Variants in LIPG observed in about 807,000 individuals in gnomAD.
LIPG encodes the protein endothelial lipase.
LIPG carries 34 observed loss-of-function variants against 51.8 expected under a neutral mutation model. The observed-to-expected ratio is 0.66, with a 90% CI of 0.50 to 0.87. The LOEUF is 0.87. Ranked by LOEUF, LIPG falls within the 40% of genes least tolerant of loss-of-function variation. The pLI is 0.00. For synonymous variants in LIPG, 246 were observed against 246.1 expected, an observed-to-expected ratio of 1.00 and a Z score of 0.00; for missense variants, 580 against 652.7, an observed-to-expected ratio of 0.89 and a Z score of 1.21.
chr18:49,582,318 G>A (rs2084828629), intron 6 of LIPG, 44 bp from the exon 7 acceptor site: 2 of 1,613,458 alleles, frequency 1.2e-6, no homozygotes, highest in African/African-American at 1.3e-5. Flanking sequence ...CTCCTGTGAT[G>A]ACAAGCAAGG....
At position 49,590,547 on chromosome 18, in the gene LIPG, C is replaced by T. The variant is rs1476492317; in HGVS notation, c.*25C>T. On this transcript the variant is annotated 3_prime_UTR_variant, in exon 10 of 10. Coordinates refer to ENST00000261292, the MANE Select transcript of LIPG (RefSeq NM_006033.4). The stretch of plus-strand genomic sequence containing the variant: ...AGGGTGCCCGGGCAAGTCTTGCCAG[C>T]AAGGCAGCAAGACTTCCTGCTATCC... The T allele has an allele frequency of 6.3e-7, 1 of 1,588,364 alleles. No individual in the cohort carries two copies. Among genetic ancestry groups the T allele is most frequent in the South Asian group, 1.1e-5 (1 of 87,558 alleles).
upstream of LIPG, chr18:49,561,565 G>A: frequency 4.0e-6 from 3 of 746,826 alleles, no homozygotes; most frequent in Non-Finnish European, 5.5e-6. Flanking sequence ...TCGCTAGGCG[G>A]GAAGGGAGGG....
chr18:49,580,044 C>T (rs1306562204), intron 5 of LIPG, among the ~76,000 whole-genome samples: 1 of 152,106 alleles, frequency 6.6e-6, no homozygotes, highest in Non-Finnish European at 1.5e-5. Flanking sequence ...AAACTCCTGT[C>T]CTCAGGTGAT....
intron 6 of LIPG, 94 bp from the exon 7 acceptor site, chr18:49,582,268 C>G (rs1199860509): frequency 6.5e-7 from 1 of 1,544,400 alleles, no homozygotes; most frequent in Non-Finnish European, 8.9e-7. Context: ...AACACCAGCC[C>G]TAAAATCTCT....
rs964070005 is a variant in LIPG, at chr18:49,565,420, C to T, written c.201C>T (p.Ser67=). ...CAGAGCATGAAGGATGCTACCTCTC[C>T]GTCGGCCACAGCCAGCCCTTAGAAG... ...KDPEHEGCYL[S]VGHSQPLEDC... The change falls in exon 2 of 10, where the codon TCC becomes TCT. Residue 67 remains serine, a synonymous_variant. Coordinates refer to ENST00000261292, the MANE Select transcript of LIPG (RefSeq NM_006033.4). 6.2e-6 allele frequency: 10 copies of T among 1,614,092 alleles called. No individual in the cohort carries two copies. Among genetic ancestry groups the T allele is most frequent in the South Asian group, 1.1e-5 (1 of 91,088 alleles).
At chr18:49,590,385 C>T in intron 9 of LIPG, 116 bp from the exon 10 acceptor site, 1 of 1,052,660 alleles carries the variant, frequency 9.5e-7, no homozygotes, top group Non-Finnish European at 1.4e-6. Context: ...TAAAATAGTC[C>T]CATAGGGGTG....
In LIPG at chr18:49,595,569, C is replaced by A. The variant is rs1418354170; in HGVS notation, c.*5047C>A. ...TCCTGGGTGGGCACGGTGGCTCACCCCTGTAATCTCAGCACTTTGGGAGGC... is the reference window on the plus strand; with the variant it reads ...TCCTGGGTGGGCACGGTGGCTCACCACTGTAATCTCAGCACTTTGGGAGGC... On this transcript the variant is annotated 3_prime_UTR_variant, in exon 10 of 10. Coordinates refer to ENST00000261292, the MANE Select transcript of LIPG (RefSeq NM_006033.4). The A allele has an allele frequency of 6.6e-6, 1 of 152,174 alleles. No individual in the cohort carries two copies. The highest frequency in any genetic ancestry group is 1.5e-5 in the Non-Finnish European group (1 of 68,044). The allele number at this position is 152,174 out of a possible 1,614,324, so 9.4% of individuals were successfully genotyped here.
At position 49,594,921 on chromosome 18, in the gene LIPG, A is replaced by G. The variant is rs1186361809; in HGVS notation, c.*4399A>G. On this transcript the variant is annotated 3_prime_UTR_variant, in exon 10 of 10. Transcript: ENST00000261292. The stretch of plus-strand genomic sequence containing the variant: ...AAAGAAAATTGTTGAAATTTCCCAA[A>G]GGAAGAGTCATAGCCTGGATGACTG... 6.6e-6 allele frequency: 1 copy of G among 152,252 alleles called. No homozygotes were observed. Among genetic ancestry groups the G allele is most frequent in the Non-Finnish European group, 1.5e-5 (1 of 68,046 alleles). The allele number at this position is 152,252 out of a possible 1,614,324, so 9.4% of individuals were successfully genotyped here.
rs1568539562 is a variant in LIPG, at chr18:49,590,890, G to C, written c.*368G>C. ...GACGAGGAACGCTGGCTCCGAAGAGGCCCTGTGTAGAAGGCTGTCAGCTGC... is the reference window on the plus strand; with the variant it reads ...GACGAGGAACGCTGGCTCCGAAGAGCCCCTGTGTAGAAGGCTGTCAGCTGC... On this transcript the variant is annotated 3_prime_UTR_variant, in exon 10 of 10. Coordinates refer to ENST00000261292, the MANE Select transcript of LIPG (RefSeq NM_006033.4). 2.7e-6 allele frequency: 1 copy of C among 363,740 alleles called. No individual in the cohort carries two copies. The highest frequency in any genetic ancestry group is 2.5e-5 in the South Asian group (1 of 39,222). 22.5% of individuals were successfully genotyped at this position (363,740 alleles called of 1,614,324 possible).
At chr18:49,564,526 A>C (rs2084582529) in intron 1 of LIPG, among the ~76,000 whole-genome samples, 2 of 152,244 alleles carry the variant, frequency 1.3e-5, no homozygotes, top group Non-Finnish European at 2.9e-5. Context: ...GGCTTTAGTC[A>C]TTTACTTAAC....
At chr18:49,585,069 CT>C (rs1228403007) in intron 8 of LIPG, among the ~76,000 whole-genome samples, 1 of 152,032 alleles carries the variant, frequency 6.6e-6, no homozygotes, top group Non-Finnish European at 1.5e-5. Context: ...TTTGTACTTA[CT>C]GTTTTTTTTG....
chr18:49,581,488 C>G lies in LIPG; in HGVS notation c.867C>G (p.Asp289Glu). The G allele has an allele frequency of 6.2e-7, 1 of 1,614,172 alleles. No homozygotes were observed. Among genetic ancestry groups the G allele is most frequent in the Non-Finnish European group, 8.5e-7 (1 of 1,180,032 alleles). ...TTGTTGACTCTCTGGTGAATCAGGA[C>G]AAGCCGAGTTTTGCCTTCCAGTGCA... ...HLFVDSLVNQ[D>E]KPSFAFQCTD... Residue 289 changes from aspartate (D) to glutamate (E), a missense_variant, in exon 6 of 10, where the codon GAC becomes GAG. Physicochemically the swap from Asp to Glu is conservative, Grantham distance 45 (BLOSUM62 2). Transcript: ENST00000261292.
rs1253975053 is a variant in LIPG at position 49,567,435 on chromosome 18, T to C, written c.280-7T>C. 6.2e-7 allele frequency: 1 copy of C among 1,613,814 alleles called. No individual in the cohort carries two copies. Among genetic ancestry groups the C allele is most frequent in the South Asian group, 1.1e-5 (1 of 90,996 alleles). On this transcript the variant is annotated splice_region_variant and splice_polypyrimidine_tract_variant and intron_variant, in intron 2 of 9. Transcript: ENST00000261292. ...GAATAAAAAACAACTTCCACTTTTC[T>C]CTGCAGATGAGCGGTATCTTTGAAA...
At chr18:49,574,801 G>A (rs931376414) in intron 4 of LIPG, among the ~76,000 whole-genome samples, 1 of 152,102 alleles carries the variant, frequency 6.6e-6, no homozygotes, top group Non-Finnish European at 1.5e-5. Flanking sequence ...TCAGTGTATT[G>A]GGTGTCCTCT....
Position 49,567,619 on chromosome 18 carries a change from C to CAGG in LIPG, c.458_459+1dup. On this transcript the variant is annotated inframe_insertion and splice_region_variant, in exon 3 of 10. Transcript: ENST00000261292. Reference sequence around the variant, plus strand: ...CATTGCCAGGATGCTCGACTGGCTGCAGGTACTGGGGGATGAGAGGGAGTC... The same window carrying CAGG: ...CATTGCCAGGATGCTCGACTGGCTGCAGGAGGTACTGGGGGATGAGAGGGAGTC... 6.2e-7 allele frequency: 1 copy of CAGG among 1,613,798 alleles called. No homozygotes were observed. The highest frequency in any genetic ancestry group is 8.5e-7 in the Non-Finnish European group (1 of 1,179,954).
At chr18:49,571,155 T>G (rs956911323) in intron 4 of LIPG, among the ~76,000 whole-genome samples, 1 of 152,184 alleles carries the variant, frequency 6.6e-6, no homozygotes, top group African/African-American at 2.4e-5. Context: ...GACTGCTCAT[T>G]AACCCCTTGC....
Position 49,591,068 on chromosome 18 carries a change from T to TA in LIPG, c.*546_*547insA. ...TTACGTCTTAGCCATTCCGTCCTGC[T>TA]CCCCAGCTCACTCTCTGAAGCACAC... On this transcript the variant is annotated 3_prime_UTR_variant, in exon 10 of 10. Coordinates refer to ENST00000261292, the MANE Select transcript of LIPG (RefSeq NM_006033.4). 8.0e-5 allele frequency: 14 copies of TA among 174,442 alleles called. No homozygotes were observed. Among genetic ancestry groups the TA allele is most frequent in the East Asian group, 2.9e-4 (2 of 7,004 alleles). 10.8% of individuals were successfully genotyped at this position (174,442 alleles called of 1,614,324 possible).
Position 49,590,740 on chromosome 18 carries a change from T to C in LIPG, c.*218T>C. 1 of 618,300 alleles carries C rather than the reference T, an allele frequency of 1.6e-6. No homozygotes were observed. The highest frequency in any genetic ancestry group is 2.5e-5 in the Admixed American group (1 of 39,842). 38.3% of individuals were successfully genotyped at this position (618,300 alleles called of 1,614,324 possible). A position where few individuals can be genotyped will look rare whatever the true frequency, so the allele number is the denominator to read the frequency against. ...GCTGCCTCTCTTGAATAGCTCTAAC[T>C]CCAAACCTCTGTCCACACCTCCAGA... On this transcript the variant is annotated 3_prime_UTR_variant, in exon 10 of 10. Transcript: ENST00000261292.
At chr18:49,578,095 TG>T (rs2084747997) in intron 5 of LIPG, among the ~76,000 whole-genome samples, 1 of 112,790 alleles carries the variant, frequency 8.9e-6, no homozygotes, top group African/African-American at 3.8e-5. Flanking sequence ...CCCTCCCGGA[TG>T]GGGCGGCTGG....
Sources: allele counts gnomAD v4.1 joint callset (sites outside exome capture counted in the v4.1 genomes callset), GRCh38; gene constraint gnomAD v4.1.1; transcripts MANE v1.5; gene names NCBI Gene and HGNC (gene_info 2026-07-23, HGNC 2026-07-21).